Variants in MAP4K4 observed in about 807,000 individuals in gnomAD.
MAP4K4 encodes the protein mitogen-activated protein kinase kinase kinase kinase 4, also known as HPK/GCK-like kinase HGK.
A neutral mutation model predicts 189.6 loss-of-function variants in MAP4K4; 38 were observed. The ratio of observed to expected loss-of-function variants is 0.20; its 90% CI spans 0.15 to 0.26. The LOEUF (loss-of-function observed/expected upper bound fraction) is 0.26. Ranked by LOEUF, MAP4K4 falls within the 10% of genes least tolerant of loss-of-function variation. The pLI is 1.00. For synonymous variants in MAP4K4, 610 were observed against 624.3 expected, an observed-to-expected ratio of 0.98 and a Z score of 0.34; for missense variants, 1,054 against 1,726.9, an observed-to-expected ratio of 0.61 and a Z score of 6.91.
intron 2 of MAP4K4, among the ~76,000 whole-genome samples, chr2:101,706,634 G>C (rs1372920823): frequency 6.6e-6 from 1 of 152,136 alleles, no homozygotes; most frequent in Admixed American, 6.5e-5. Context: ...ATTGTTGCAA[G>C]ATAACCTGTT....
chr2:101,836,089 C>T (rs2096741696), intron 9 of MAP4K4, 111 bp downstream of exon 9: 13 of 727,780 alleles, frequency 1.8e-5, no homozygotes, highest in Middle Eastern at 2.5e-4. Context: ...CTGGGGAACC[C>T]AAGAGCCAGT....
intron 27 of MAP4K4, among the ~76,000 whole-genome samples, chr2:101,877,742 C>T (rs897090980): frequency 2.6e-5 from 4 of 151,242 alleles, no homozygotes; most frequent in Non-Finnish European, 5.9e-5. Flanking sequence ...CTCTTTTTTA[C>T]TTATTTATTT....
intron 2 of MAP4K4, among the ~76,000 whole-genome samples, chr2:101,770,912 C>T (rs1204755801): frequency 6.6e-6 from 1 of 152,132 alleles, no homozygotes; most frequent in Non-Finnish European, 1.5e-5. Context: ...CAAATAGCCC[C>T]ACAGTTACAT....
At chr2:101,762,682 G>A (rs759610892) in intron 2 of MAP4K4, among the ~76,000 whole-genome samples, 1 of 152,182 alleles carries the variant, frequency 6.6e-6, no homozygotes, top group Non-Finnish European at 1.5e-5. Context: ...CTAAATTGCT[G>A]TGAAGAAACC....
At chr2:101,824,821 C>T (rs551492694) in intron 4 of MAP4K4, among the ~76,000 whole-genome samples, 3 of 152,252 alleles carry the variant, frequency 2.0e-5, no homozygotes, top group African/African-American at 7.2e-5. Flanking sequence ...ATTGTTCAAA[C>T]TTTTAGATAC....
chr2:101,721,641 T>C (rs2052150173), intron 2 of MAP4K4, among the ~76,000 whole-genome samples: 1 of 152,062 alleles, frequency 6.6e-6, no homozygotes, highest in Non-Finnish European at 1.5e-5. Flanking sequence ...TCACCATTAT[T>C]GGTTAGGCTG....
intron 8 of MAP4K4, among the ~76,000 whole-genome samples, chr2:101,835,103 A>G (rs1465903259): frequency 6.6e-6 from 1 of 152,244 alleles, no homozygotes. Flanking sequence ...AATGAAAATA[A>G]TTATCGACAG....
At chr2:101,842,735 T>C (rs2096958244) in intron 11 of MAP4K4, 54 bp downstream of exon 11, 2 of 1,447,226 alleles carry the variant, frequency 1.4e-6, no homozygotes, top group Admixed American at 2.0e-5. Flanking sequence ...TTAAGTTTTA[T>C]GTTGTGCCAG....
At chr2:101,779,084 G>A (rs567123189) in intron 2 of MAP4K4, among the ~76,000 whole-genome samples, 226 of 152,216 alleles carry the variant, frequency 1.5e-3, no homozygotes, top group Non-Finnish European at 2.7e-3. Flanking sequence ...TGTGTGCCAG[G>A]CACAATAAAT....
chr2:101,812,236 T>A (rs2095473662), intron 3 of MAP4K4, among the ~76,000 whole-genome samples: 1 of 152,208 alleles, frequency 6.6e-6, no homozygotes, highest in South Asian at 2.1e-4. Flanking sequence ...TTAGCCAGAC[T>A]GACTCAGGGG....
chr2:101,800,314 TCTCAAAGTCCTGGG>T (rs1374970421), intron 3 of MAP4K4, among the ~76,000 whole-genome samples: 6 of 152,194 alleles, frequency 3.9e-5, no homozygotes, highest in Non-Finnish European at 7.4e-5. Flanking sequence ...CCCAGGTTGG[TCTCAAAGTCCTGGG>T]CTCAAGCAGT....
chr2:101,825,442 G>T lies in MAP4K4; in HGVS notation c.417+13G>T. The T allele has an allele frequency of 6.4e-7, 1 of 1,562,344 alleles. No homozygotes were observed. The highest frequency in any genetic ancestry group is 8.8e-7 in the Non-Finnish European group (1 of 1,134,700). Reference sequence around the variant, plus strand: ...AGAAATCCTGAGGGTAAGGAAAGTGGGTGGCTACAGTGCTCCAACTCATGA... The same window carrying T: ...AGAAATCCTGAGGGTAAGGAAAGTGTGTGGCTACAGTGCTCCAACTCATGA... On this transcript the variant is annotated intron_variant, in intron 5 of 32. Coordinates refer to ENST00000324219, the Ensembl canonical transcript of MAP4K4.
intron 12 of MAP4K4, among the ~76,000 whole-genome samples, chr2:101,845,729 A>T (rs1490326753): frequency 6.6e-6 from 1 of 152,202 alleles, no homozygotes; most frequent in South Asian, 2.1e-4. Context: ...TGGGGATCAG[A>T]AGAGTCTTTT....
chr2:101,892,962 A>T (rs965399615), exon 33 of MAP4K4: 1 of 456,292 alleles, frequency 2.2e-6, no homozygotes, highest in Middle Eastern at 3.2e-4. Flanking sequence ...AACCTCAGTC[A>T]TCAAAAGAAA....
At chr2:101,851,863 A>G (rs1429984978) in intron 12 of MAP4K4, among the ~76,000 whole-genome samples, 1 of 150,276 alleles carries the variant, frequency 6.7e-6, no homozygotes, top group Non-Finnish European at 1.5e-5. Context: ...CGTTTTTTTA[A>G]AGGTATGTGA....
intron 9 of MAP4K4, among the ~76,000 whole-genome samples, chr2:101,839,400 C>A (rs182404791): frequency 1.3e-5 from 2 of 152,320 alleles, no homozygotes; most frequent in Admixed American, 1.3e-4. Context: ...GGATTCTGCT[C>A]CTTTTCTTAT....
At chr2:101,858,228 C>T (rs2097535760) in intron 13 of MAP4K4, among the ~76,000 whole-genome samples, 1 of 152,160 alleles carries the variant, frequency 6.6e-6, no homozygotes, top group Non-Finnish European at 1.5e-5. Context: ...GTATCCCTGT[C>T]CTTTATAATA....
intron 2 of MAP4K4, among the ~76,000 whole-genome samples, chr2:101,765,884 C>T (rs911739652): frequency 1.3e-5 from 2 of 151,278 alleles, no homozygotes; most frequent in Non-Finnish European, 3.0e-5. Context: ...AAAGTGTAGA[C>T]CCGGTTGAAT....
At chr2:101,790,305 G>A (rs2092641811) in intron 2 of MAP4K4, among the ~76,000 whole-genome samples, 1 of 151,920 alleles carries the variant, frequency 6.6e-6, no homozygotes, top group South Asian at 2.1e-4. Context: ...AGAAGGAAAG[G>A]ATGGCCAACA....
Sources: allele counts gnomAD v4.1 joint callset (sites outside exome capture counted in the v4.1 genomes callset), GRCh38; gene constraint gnomAD v4.1.1; transcripts MANE v1.5; gene names NCBI Gene and HGNC (gene_info 2026-07-23, HGNC 2026-07-21).